HARBI1: variants seen among roughly 807,000 people sequenced by gnomAD.
HARBI1 encodes harbinger transposase derived 1.
A neutral mutation model predicts 25.3 loss-of-function variants in HARBI1; 15 were observed. The observed-to-expected ratio is 0.59, with a 90% CI of 0.40 to 0.91. The LOEUF (loss-of-function observed/expected upper bound fraction) is 0.91, where lower values mean the gene tolerates loss of function less well. HARBI1 is among the 40% of genes least tolerant of loss of function. The pLI is 0.00. For missense variants in HARBI1, 396 were observed against 445.8 expected (o/e 0.89, Z 1.01); for synonymous variants, 168 against 160.5 (o/e 1.05, Z -0.35).
Position 46,615,996 on chromosome 11 carries a change from G to A in HARBI1, c.242C>T (p.Thr81Ile), listed in dbSNP as rs772345259. The change falls in exon 2 of 3, where the codon ACC (threonine) becomes ATC (isoleucine). Residue 81 changes from threonine to isoleucine, a missense_variant. Transcript: ENST00000326737. ...CATCCGAGTCTGGAAGGAACCTGAG[G>A]TATAAAAACCCAATGCTGCAAGGAC... Reference protein sequence around the residue: ...TQVLAALGFYTSGSFQTRMGD... With the variant: ...TQVLAALGFYISGSFQTRMGD... 35 of 1,614,046 alleles carry A rather than the reference G, an allele frequency of 2.2e-5. 1 individual carries two copies. The South Asian group carries it at 3.8e-4, about 18-fold the overall frequency.
At position 46,616,069 on chromosome 11, in the gene HARBI1, G is replaced by C; in HGVS notation, c.169C>G (p.Leu57Val). Reference protein sequence around the residue: ...YYLVELLGANLSRPTQRSRAI... With the variant: ...YYLVELLGANVSRPTQRSRAI... ...CTGGATCGCTGAGTAGGCCTAGAAA[G>C]ATTCGCCCCCAAGAGCTCCACCAAG... The change falls in exon 2 of 3, where the codon CTT (leucine) becomes GTT (valine). Residue 57 changes from leucine to valine, a missense_variant. Coordinates refer to ENST00000326737, the MANE Select transcript of HARBI1 (RefSeq NM_173811.4). 4 of 1,614,200 alleles carry C rather than the reference G, an allele frequency of 2.5e-6. No individual in the cohort carries two copies. The highest frequency in any genetic ancestry group is 1.7e-5 in the Admixed American group (1 of 60,022).
At chr11:46,605,773 G>A (rs943137030) in intron 2 of HARBI1, among the ~76,000 whole-genome samples, 4 of 149,336 alleles carry the variant, frequency 2.7e-5, no homozygotes, top group African/African-American at 9.9e-5. Context: ...GTTTTTAGTA[G>A]AGACGGGGTT....
At chr11:46,614,324 G>A (rs2045296082) in intron 2 of HARBI1, among the ~76,000 whole-genome samples, 1 of 152,038 alleles carries the variant, frequency 6.6e-6, no homozygotes, top group African/African-American at 2.4e-5. Context: ...CTACTCAGGA[G>A]GCTGAGGCAG....
rs577901401 is a variant in HARBI1 at position 46,606,992 on chromosome 11, C to T, written c.671-3083G>A. Among the ~76,000 whole-genome samples, 10 of 152,224 alleles carry T rather than the reference C, an allele frequency of 6.6e-5. No individual in the cohort carries two copies. In the East Asian group the frequency reaches 1.4e-3, roughly 21 times the overall value. On this transcript the variant is annotated intron_variant, in intron 2 of 2. Coordinates refer to ENST00000326737, the MANE Select transcript of HARBI1 (RefSeq NM_173811.4). ...TTTTTAAAGATTATCAGGCTGGGCA[C>T]GGTGGCTCACACCTGTAATCCCAGC... is the stretch of plus-strand genomic sequence containing the variant.
At position 46,603,469 on chromosome 11, in the gene HARBI1, G is replaced by GT. The variant is rs1440546696; in HGVS notation, c.*60dup. 2.8e-6 allele frequency: 4 copies of GT among 1,408,992 alleles called. No homozygotes were observed. In the African/African-American group the frequency reaches 5.7e-5, roughly 20 times the overall value. 87.3% of individuals were successfully genotyped at this position (1,408,992 alleles called of 1,614,324 possible). ...GCTAGATGATGGAACTGTGTAAAAGGTGATGAGGAGGAAAGTCTGTCACAA... is the reference window on the plus strand; with the variant it reads ...GCTAGATGATGGAACTGTGTAAAAGGTTGATGAGGAGGAAAGTCTGTCACAA... On this transcript the variant is annotated 3_prime_UTR_variant, in exon 3 of 3. Coordinates refer to ENST00000326737, the MANE Select transcript of HARBI1 (RefSeq NM_173811.4).
Position 46,603,516 on chromosome 11 carries a change from C to T in HARBI1, c.*14G>A. 1 of 1,562,318 alleles carries T rather than the reference C, an allele frequency of 6.4e-7. No homozygotes were observed. Among genetic ancestry groups the T allele is most frequent in the Non-Finnish European group, 8.7e-7 (1 of 1,151,324 alleles). ...ACAACTCCTGGGAAGTATCCCTCCTCTCCACCTTCTACATTAGCTAAAATG... is the reference window on the plus strand; with the variant it reads ...ACAACTCCTGGGAAGTATCCCTCCTTTCCACCTTCTACATTAGCTAAAATG... On this transcript the variant is annotated 3_prime_UTR_variant, in exon 3 of 3. Coordinates refer to ENST00000326737, the MANE Select transcript of HARBI1 (RefSeq NM_173811.4).
chr11:46,617,099 CAGTT>C (rs992908832), intron 1 of HARBI1, 21 bp downstream of exon 1: 62 of 660,554 alleles, frequency 9.4e-5, no homozygotes, highest in East Asian at 2.7e-4. Context: ...GCCGGCCACT[CAGTT>C]AGCCCAGGCC....
chr11:46,614,921 CTTTTTT>C (rs1198032359), intron 2 of HARBI1, among the ~76,000 whole-genome samples: 1 of 151,860 alleles, frequency 6.6e-6, no homozygotes, highest in South Asian at 2.1e-4. Context: ...TTTTCTTTTT[CTTTTTT>C]TTGAGATGGA....
At chr11:46,616,831 C>CA (rs749013239) in intron 1 of HARBI1, 28,065 of 588,420 alleles carry the variant, frequency 0.048, 188 homozygotes, top group African/African-American at 0.057. Flanking sequence ...AAAGAAGGGG[C>CA]AAAAAAAAAA....
rs1286087019 is a variant in HARBI1 at position 46,612,341 on chromosome 11, A to G, written c.670+3227T>C. Reference sequence around the variant, plus strand: ...ATCCTTAACGTAGCTTTCATCTCTTATATGTTGTATACAAGATAACCCTTG... The same window carrying G: ...ATCCTTAACGTAGCTTTCATCTCTTGTATGTTGTATACAAGATAACCCTTG... On this transcript the variant is annotated intron_variant, in intron 2 of 2. Coordinates refer to ENST00000326737, the MANE Select transcript of HARBI1 (RefSeq NM_173811.4). Among the ~76,000 whole-genome samples, 4 of 152,240 alleles carry G rather than the reference A, an allele frequency of 2.6e-5. No individual in the cohort carries two copies. In the East Asian group the frequency reaches 5.8e-4, roughly 22 times the overall value.
chr11:46,609,491 C>A (rs1347440139), intron 2 of HARBI1, among the ~76,000 whole-genome samples: 1 of 144,912 alleles, frequency 6.9e-6, no homozygotes, highest in Non-Finnish European at 1.5e-5. Context: ...GAATCACAGG[C>A]TCACGCCACC....
At chr11:46,607,798 A>T (rs1204133138) in intron 2 of HARBI1, among the ~76,000 whole-genome samples, 1 of 151,804 alleles carries the variant, frequency 6.6e-6, no homozygotes, top group Non-Finnish European at 1.5e-5. Flanking sequence ...ATAAGAACTG[A>T]GGCTGAATTG....
chr11:46,617,545 C>CG (rs914054715), upstream of HARBI1: 3 of 239,548 alleles, frequency 1.3e-5, 1 homozygote, highest in East Asian at 6.7e-5. Context: ...CTTTCACCCC[C>CG]CCCCCCCGGC....
intron 2 of HARBI1, 106 bp downstream of exon 2, chr11:46,615,462 C>T: frequency 1.2e-6 from 1 of 857,396 alleles, no homozygotes; most frequent in Non-Finnish European, 1.9e-6. Context: ...AGGTGATCTA[C>T]CGCCTCAGCC....
chr11:46,610,764 G>T (rs1013904945), intron 2 of HARBI1, among the ~76,000 whole-genome samples: 5 of 152,042 alleles, frequency 3.3e-5, no homozygotes, highest in Non-Finnish European at 7.3e-5. Context: ...TTATTTATCA[G>T]AATTTTTACT....
chr11:46,603,619 G>A lies in HARBI1; in HGVS notation c.961C>T (p.Pro321Ser), dbSNP rs1231951828. 1 of 1,614,186 alleles carries A rather than the reference G, an allele frequency of 6.2e-7. No homozygotes were observed. ...SSPMTGPMEQ[P>S]PEEEYEHMES... is the part of the protein sequence containing the mutation. ...ATGTGCTCATACTCCTCTTCCGGGG[G>A]CTGTTCCATGGGTCCTGTCATTGGA... Residue 321 changes from proline to serine, a missense_variant, in exon 3 of 3, where the codon CCC becomes TCC. Pro to Ser is a moderately conservative substitution (Grantham distance 74). Transcript: ENST00000326737.
Position 46,613,479 on chromosome 11 carries a change from C to CTTT in HARBI1, c.670+2086_670+2088dup, listed in dbSNP as rs541300001. On this transcript the variant is annotated intron_variant, in intron 2 of 2. Transcript: ENST00000326737. ...TGGACAGTCCTGATAAGTATGTTGG[C>CTTT]TTTTTTTTTTTTTTTTTTTTTGAGA... Among the ~76,000 whole-genome samples the CTTT allele has an allele frequency of 6.6e-3, 764 of 115,154 alleles. 30 individuals are homozygous for CTTT. The highest frequency in any genetic ancestry group is 0.024 in the African/African-American group (708 of 29,274). 75.5% of individuals were successfully genotyped at this position (115,154 alleles called of 152,430 possible).
intron 2 of HARBI1, among the ~76,000 whole-genome samples, chr11:46,614,257 G>A (rs956056549): frequency 4.0e-5 from 6 of 151,712 alleles, no homozygotes; most frequent in Admixed American, 3.3e-4. Context: ...GTGAAACCCC[G>A]TCTCTACTAA....
At chr11:46,614,430 T>G (rs1254379059) in intron 2 of HARBI1, among the ~76,000 whole-genome samples, 1 of 151,710 alleles carries the variant, frequency 6.6e-6, no homozygotes, top group Non-Finnish European at 1.5e-5. Context: ...GTCTCAATAA[T>G]AATAATAATA....
Sources: gnomAD v4.1 joint callset for allele counts (sites outside exome capture counted in the v4.1 genomes callset) on GRCh38, gnomAD v4.1.1 for gene constraint, MANE v1.5 for transcripts, NCBI Gene and HGNC (gene_info 2026-07-23, HGNC 2026-07-21) for gene names.